Variants in COL4A6 observed in about 807,000 individuals in gnomAD.
COL4A6 encodes the protein collagen alpha-6(IV) chain.
Under a neutral mutation model 126.7 loss-of-function variants are expected in COL4A6, and 59 were observed. The observed-to-expected ratio is 0.47, with a 90% confidence interval of 0.38 to 0.58. COL4A6 has a LOEUF of 0.58. COL4A6 is among the 20% of genes least tolerant of loss of function. The pLI, the probability that COL4A6 is intolerant of heterozygous loss-of-function variation, is 0.00. For synonymous variants in COL4A6, 547 were observed against 496.6 expected, an observed-to-expected ratio of 1.10 and a Z score of -1.35; for missense variants, 1,285 against 1,337.3, an observed-to-expected ratio of 0.96 and a Z score of 0.61.
chrX:108,174,376 G>T, intron 31 of COL4A6, 64 bp downstream of exon 31: 1 of 1,091,656 alleles, frequency 9.2e-7, no homozygotes, highest in Non-Finnish European at 1.3e-6. Context: ...TGGGCAGTGG[G>T]GGTATATCCC....
At chrX:108,207,463 C>T (rs1253419790) in intron 8 of COL4A6, among the ~76,000 whole-genome samples, 3 of 111,120 alleles carry the variant, frequency 2.7e-5, no homozygotes, top group African/African-American at 9.8e-5. Context: ...ACCTACACGT[C>T]CTGTGCATGT....
chrX:108,217,378 T>C (rs771952374), intron 5 of COL4A6, among the ~76,000 whole-genome samples: 2 of 111,484 alleles, frequency 1.8e-5, no homozygotes, highest in South Asian at 7.8e-4. Context: ...ACTAGGCCTA[T>C]GGTGTCTGTG....
Position 108,261,154 on chromosome X carries a change from T to A in COL4A6, c.145-39780A>T, listed in dbSNP as rs140921475. ...TGGTGCCGCCCTATATGGTAGCCAC[T>A]AGTTGTGCATAGCTATTAAATTTGA... On this transcript the variant is annotated intron_variant, in intron 3 of 44. Coordinates refer to ENST00000334504, the MANE Select transcript of COL4A6 (RefSeq NM_033641.4). Among the ~76,000 whole-genome samples the A allele has an allele frequency of 1.1e-3, 123 of 111,828 alleles. 1 individual carries two copies. The East Asian group carries it at 0.016, about 15-fold the overall frequency.
intron 2 of COL4A6, among the ~76,000 whole-genome samples, chrX:108,435,582 T>A (rs1451782612): frequency 8.9e-6 from 1 of 112,140 alleles, no homozygotes; most frequent in Non-Finnish European, 1.9e-5. Context: ...TAGATTCTAT[T>A]TTATGCAGAT....
intron 2 of COL4A6, among the ~76,000 whole-genome samples, chrX:108,357,228 G>A (rs1418517766): frequency 9.0e-6 from 1 of 111,507 alleles, no homozygotes; most frequent in African/African-American, 3.3e-5. Context: ...GAATGTTAGA[G>A]CTAGAAGACT....
intron 2 of COL4A6, among the ~76,000 whole-genome samples, chrX:108,414,634 A>G (rs985068569): frequency 9.4e-6 from 1 of 106,294 alleles, no homozygotes; most frequent in Non-Finnish European, 1.9e-5. Flanking sequence ...AAAAAAAAAA[A>G]AAGAAGAAGA....
In COL4A6 at chrX:108,157,164, C is replaced by T; in HGVS notation, c.4909G>A (p.Gly1637Ser). The change falls in exon 45 of 45, where the codon GGT (glycine) becomes AGT (serine). Residue 1637 changes from glycine to serine, a missense_variant. By Grantham distance (56) the Gly-to-Ser change is moderately conservative. Transcript: ENST00000334504. ...AAGTAGTGGCAGGTGCCTCGGGCAC[C>T]ACTGCATTCGATGAAAGGAGTGGCC... ...FRATPFIECS[G>S]ARGTCHYFAN... is the part of the protein sequence containing the mutation. The T allele has an allele frequency of 8.3e-7, 1 of 1,212,078 alleles. No homozygotes were observed.
intron 3 of COL4A6, 53 bp downstream of exon 3, chrX:108,310,695 A>G: frequency 9.5e-7 from 1 of 1,054,757 alleles, no homozygotes. Flanking sequence ...AAGAAAACAG[A>G]TAACAGCTCC....
chrX:108,193,634 T>C lies in COL4A6; in HGVS notation c.1066A>G (p.Ile356Val), dbSNP rs1209592595. ...AATTAATGAGAAGTTGCACCTGAGA[T>C]CACAGCACCATCTATATCGATGAAA... ...DVFIDIDGAV[I>V]SGNPGDPGVP... Residue 356 changes from isoleucine (I) to valine (V), a missense_variant, in exon 17 of 45, where the codon ATC becomes GTC. Physicochemically the swap from Ile to Val is conservative, Grantham distance 29 (BLOSUM62 3). Transcript: ENST00000334504. 2 of 1,205,653 alleles carry C rather than the reference T, an allele frequency of 1.7e-6. No individual in the cohort carries two copies. Among genetic ancestry groups the C allele is most frequent in the Non-Finnish European group, 2.2e-6 (2 of 890,502 alleles).
Position 108,171,411 on chromosome X carries a change from G to A in COL4A6, c.3253C>T (p.Gln1085Ter). ...EISGSPGPKG[Q>*]PGESGFKGTK... is the part of the protein sequence containing the mutation. ...CCTTTAAAACCAGATTCGCCAGGCT[G>A]TCCCTTGGGTCCTGGGCTACCGGAA... The change falls in exon 33 of 45, where the codon CAG becomes TAG. Residue 1085 changes from glutamine (Q) to a stop codon, truncating the protein, a stop_gained. Transcript: ENST00000334504. LOFTEE classifies it high-confidence loss of function. The A allele has an allele frequency of 3.3e-6, 4 of 1,210,655 alleles. No individual in the cohort carries two copies. Among genetic ancestry groups the A allele is most frequent in the Non-Finnish European group, 4.5e-6 (4 of 894,861 alleles).
At chrX:108,399,071 A>G (rs916265847) in intron 2 of COL4A6, among the ~76,000 whole-genome samples, 1 of 111,249 alleles carries the variant, frequency 9.0e-6, no homozygotes, top group African/African-American at 3.3e-5. Flanking sequence ...GAGGCATTAT[A>G]TCTATTTTGC....
chrX:108,247,042 A>C (rs1569379493), intron 3 of COL4A6, among the ~76,000 whole-genome samples: 1 of 111,453 alleles, frequency 9.0e-6, no homozygotes, highest in Non-Finnish European at 1.9e-5. Flanking sequence ...ATCCATGTGG[A>C]CACTCGATAG....
At chrX:108,407,852 G>T (rs181079803) in intron 2 of COL4A6, among the ~76,000 whole-genome samples, 3 of 112,179 alleles carry the variant, frequency 2.7e-5, no homozygotes, top group Non-Finnish European at 5.6e-5. Context: ...TGGTGATCGC[G>T]TTAGTACCAG....
At chrX:108,235,594 T>C (rs1198675523) in intron 3 of COL4A6, among the ~76,000 whole-genome samples, 1 of 110,432 alleles carries the variant, frequency 9.1e-6, no homozygotes, top group Non-Finnish European at 1.9e-5. Context: ...GGGAGGAGAG[T>C]AGGCAGCTCA....
At chrX:108,300,979 T>C (rs1248482485) in intron 3 of COL4A6, among the ~76,000 whole-genome samples, 1 of 112,611 alleles carries the variant, frequency 8.9e-6, no homozygotes, top group Non-Finnish European at 1.9e-5. Flanking sequence ...TTTGTTAAAA[T>C]AAAAGCTCTT....
intron 3 of COL4A6, among the ~76,000 whole-genome samples, chrX:108,245,642 C>T (rs6616678): frequency 0.25 from 28,101 of 110,480 alleles, 3,002 homozygotes; most frequent in East Asian, 0.61. Flanking sequence ...CTCCATATTT[C>T]GATATGCAGG....
At chrX:108,157,913 G>A (rs1234741533) in intron 44 of COL4A6, among the ~76,000 whole-genome samples, 1 of 111,747 alleles carries the variant, frequency 8.9e-6, no homozygotes, top group Non-Finnish European at 1.9e-5. Flanking sequence ...CTTTAGCCGG[G>A]CTATCATCTG....
chrX:108,261,985 C>A (rs1014290778), intron 3 of COL4A6, among the ~76,000 whole-genome samples: 1 of 111,801 alleles, frequency 8.9e-6, no homozygotes, highest in Non-Finnish European at 1.9e-5. Flanking sequence ...ATAACCAACT[C>A]TTGGCAAAAA....
At position 108,438,211 on chromosome X, in the gene COL4A6, C is replaced by T. The variant is rs2064308942; in HGVS notation, c.-15G>A. On this transcript the variant is annotated 5_prime_UTR_variant, in exon 1 of 45. Coordinates refer to ENST00000334504, the MANE Select transcript of COL4A6 (RefSeq NM_033641.4). ...CCAGGGTGCATGCTTGCGGCTCCTC[C>T]GGAGCTGGGTCCCGGGAGACTGCTA... 2 of 1,185,949 alleles carry T rather than the reference C, an allele frequency of 1.7e-6. No homozygotes were observed. The highest frequency in any genetic ancestry group is 1.8e-5 in the African/African-American group (1 of 56,513).
Sources: gnomAD v4.1 joint callset for allele counts (sites outside exome capture counted in the v4.1 genomes callset) on GRCh38, gnomAD v4.1.1 for gene constraint, MANE v1.5 for transcripts, NCBI Gene and HGNC (gene_info 2026-07-23, HGNC 2026-07-21) for gene names.